TYW3: variants seen among roughly 807,000 people sequenced by gnomAD.
The protein encoded by TYW3 is tRNA wybutosine-synthesizing protein 3 homolog.
Under a neutral mutation model 23.1 loss-of-function variants are expected in TYW3, and 26 were observed. That is an observed-to-expected ratio of 1.13 (90% CI 0.83 to 1.56). The LOEUF (loss-of-function observed/expected upper bound fraction) is 1.56, where lower values mean the gene tolerates loss of function less well. Ranked by LOEUF, TYW3 falls within the 40% of genes most tolerant of loss-of-function variation. TYW3 has a pLI of 0.00. For missense variants in TYW3, 316 were observed against 311.9 expected, an observed-to-expected ratio of 1.01 and a Z score of -0.10; for synonymous variants, 102 against 105.7, an observed-to-expected ratio of 0.97 and a Z score of 0.21.
At chr1:74,748,716 A>G (rs1304547245) in intron 3 of TYW3, 35 bp from the exon 4 acceptor site, 1 of 1,581,166 alleles carries the variant, frequency 6.3e-7, no homozygotes, top group South Asian at 1.1e-5. Context: ...GGTTACCCAC[A>G]GTATCAAAAT....
At chr1:74,750,170 C>G (rs1388506019) in intron 4 of TYW3, 1 of 152,272 alleles carries the variant, frequency 6.6e-6, no homozygotes, top group African/African-American at 2.4e-5. Flanking sequence ...CTCAAGATCC[C>G]TAACCTCAGT....
At chr1:74,757,221 G>A (rs1648984728) in intron 5 of TYW3, among the ~76,000 whole-genome samples, 1 of 152,202 alleles carries the variant, frequency 6.6e-6, no homozygotes, top group Non-Finnish European at 1.5e-5. Flanking sequence ...GCTGTGAGAA[G>A]CGGGCTACCA....
intron 3 of TYW3, among the ~76,000 whole-genome samples, chr1:74,747,856 T>G (rs1298662342): frequency 6.7e-6 from 1 of 149,198 alleles, no homozygotes; most frequent in Non-Finnish European, 1.5e-5. Flanking sequence ...TATACACATA[T>G]GTATGTATAC....
rs1649276443 is a variant in TYW3 at position 74,765,538 on chromosome 1, A to C, written c.*1425A>C. 6.6e-6 allele frequency: 1 copy of C among 152,192 alleles called. No homozygotes were observed. Among genetic ancestry groups the C allele is most frequent in the Non-Finnish European group, 1.5e-5 (1 of 68,044 alleles). 9.4% of individuals were successfully genotyped at this position (152,192 alleles called of 1,614,324 possible). Reference sequence around the variant, plus strand: ...GAAATTTGGGCAGGAAAGGGAACTCACAGTGTCGGAATGCCTGGAGCATTT... The same window carrying C: ...GAAATTTGGGCAGGAAAGGGAACTCCCAGTGTCGGAATGCCTGGAGCATTT... On this transcript the variant is annotated 3_prime_UTR_variant, in exon 6 of 6. Transcript: ENST00000370867.
chr1:74,758,177 C>A (rs1328860041), intron 5 of TYW3, among the ~76,000 whole-genome samples: 1 of 152,132 alleles, frequency 6.6e-6, no homozygotes, highest in East Asian at 1.9e-4. Context: ...TTCTCTTCTT[C>A]CTCTTCATTA....
At chr1:74,740,640 C>T (rs1468009490) in intron 3 of TYW3, among the ~76,000 whole-genome samples, 7 of 152,120 alleles carry the variant, frequency 4.6e-5, no homozygotes, top group African/African-American at 1.2e-4. Context: ...CTGATTGGTG[C>T]GTTTACAATC....
chr1:74,762,074 C>G (rs1319036887), intron 5 of TYW3, among the ~76,000 whole-genome samples: 3 of 152,144 alleles, frequency 2.0e-5, no homozygotes, highest in African/African-American at 4.8e-5. Context: ...GAGATTAATT[C>G]ATTCATTGAT....
intron 2 of TYW3, among the ~76,000 whole-genome samples, chr1:74,737,015 T>G (rs1298356982): frequency 6.6e-6 from 1 of 152,272 alleles, no homozygotes; most frequent in East Asian, 1.9e-4. Flanking sequence ...ATTACTTACC[T>G]GCATTGCTTT....
chr1:74,740,330 G>A lies in TYW3; in HGVS notation c.354+1542G>A, dbSNP rs181166359. On this transcript the variant is annotated intron_variant, in intron 3 of 5. Coordinates refer to ENST00000370867, the MANE Select transcript of TYW3 (RefSeq NM_138467.3). ...TCTTGCTGATTTCAGAAATGAAGCC[G>A]CAGACTTCCACAGTGAGTGTTAACA... is the stretch of plus-strand genomic sequence containing the variant. Among the ~76,000 whole-genome samples, 583 of 152,294 alleles carry A rather than the reference G, an allele frequency of 3.8e-3. 5 individuals carry two copies. Among genetic ancestry groups the A allele is most frequent in the African/African-American group, 0.013 (554 of 41,554 alleles).
Position 74,764,158 on chromosome 1 carries a change from T to TATAAAACCTAC in TYW3, c.*45_*46insATAAAACCTAC. 6.6e-7 allele frequency: 1 copy of TATAAAACCTAC among 1,526,572 alleles called. No homozygotes were observed. The highest frequency in any genetic ancestry group is 8.9e-7 in the Non-Finnish European group (1 of 1,122,632). 94.6% of individuals were successfully genotyped at this position (1,526,572 alleles called of 1,614,324 possible). Reference sequence around the variant, plus strand: ...TTGGCCGTAATGTTTCTAGTAGGTTTTATAAAGCTGCTCTTCATAAGAGTA... The same window carrying TATAAAACCTAC: ...TTGGCCGTAATGTTTCTAGTAGGTTTATAAAACCTACTATAAAGCTGCTCTTCATAAGAGTA... On this transcript the variant is annotated 3_prime_UTR_variant, in exon 6 of 6. Coordinates refer to ENST00000370867, the MANE Select transcript of TYW3 (RefSeq NM_138467.3).
Position 74,765,147 on chromosome 1 carries a change from A to G in TYW3, c.*1034A>G, listed in dbSNP as rs1261542002. 6.6e-6 allele frequency: 1 copy of G among 152,162 alleles called. No individual in the cohort carries two copies. The highest frequency in any genetic ancestry group is 1.5e-5 in the Non-Finnish European group (1 of 68,020). 9.4% of individuals were successfully genotyped at this position (152,162 alleles called of 1,614,324 possible). ...AACTCATCCAAGTGGTTCTGATAAA[A>G]TCAGTCCAGCACTTTTAGAACCCAC... On this transcript the variant is annotated 3_prime_UTR_variant, in exon 6 of 6. Coordinates refer to ENST00000370867, the MANE Select transcript of TYW3 (RefSeq NM_138467.3).
chr1:74,753,914 C>G (rs1331791900), intron 5 of TYW3, among the ~76,000 whole-genome samples: 2 of 152,140 alleles, frequency 1.3e-5, no homozygotes, highest in African/African-American at 4.8e-5. Context: ...TCATTACTTA[C>G]AATGGATGTC....
chr1:74,763,777 A>G (rs1649204951), intron 5 of TYW3, 117 bp from the exon 6 acceptor site: 2 of 666,420 alleles, frequency 3.0e-6, no homozygotes, highest in Admixed American at 3.2e-5. Context: ...TTTGATTTAT[A>G]TTTATAAAGC....
chr1:74,752,170 A>C, intron 4 of TYW3, 122 bp from the exon 5 acceptor site: 1 of 979,720 alleles, frequency 1.0e-6, no homozygotes, highest in African/African-American at 1.7e-5. Flanking sequence ...TCAAAGCGCT[A>C]ACTTAACTGT....
chr1:74,740,881 C>A (rs954882640), intron 3 of TYW3, among the ~76,000 whole-genome samples: 1 of 152,240 alleles, frequency 6.6e-6, no homozygotes, highest in African/African-American at 2.4e-5. Flanking sequence ...TCCAAGTCCC[C>A]ACTTGACCCA....
rs565202504 is a variant in TYW3, at chr1:74,763,940, A to G, written c.607A>G (p.Asn203Asp). The G allele has an allele frequency of 6.8e-6, 11 of 1,606,970 alleles. No homozygotes were observed. Among genetic ancestry groups the G allele is most frequent in the Non-Finnish European group, 9.3e-6 (11 of 1,178,208 alleles). Residue 203 changes from asparagine to aspartate, a missense_variant, in exon 6 of 6, where the codon AAC (asparagine) becomes GAC (aspartate). Physicochemically the swap from Asn to Asp is conservative, Grantham distance 23. Transcript: ENST00000370867. ...QHALERETMT[N>D]LHPKIKEKNN... ...TGCTTTGGAAAGGGAAACGATGACT[A>G]ACTTACATCCCAAGATCAAAGAGAA...
intron 5 of TYW3, among the ~76,000 whole-genome samples, chr1:74,752,664 G>A (rs1424519513): frequency 9.2e-5 from 14 of 152,128 alleles, no homozygotes. Flanking sequence ...TGGTAGGCAC[G>A]TGACCACCAG....
chr1:74,733,173 C>T lies in TYW3; in HGVS notation c.-72C>T, dbSNP rs1408483384. The stretch of plus-strand genomic sequence containing the variant: ...GGACCTTTTCGGCCACCGCTCGCTT[C>T]AATATGGCTGCCCCCAGGGAGAGAC... On this transcript the variant is annotated 5_prime_UTR_variant, in exon 1 of 6. Transcript: ENST00000370867. 3 of 1,555,492 alleles carry T rather than the reference C, an allele frequency of 1.9e-6. No individual in the cohort carries two copies. The highest frequency in any genetic ancestry group is 1.4e-5 in the African/African-American group (1 of 73,216).
chr1:74,750,738 A>G (rs1192932061), intron 4 of TYW3, among the ~76,000 whole-genome samples: 2 of 149,112 alleles, frequency 1.3e-5, no homozygotes, highest in Admixed American at 6.7e-5. Flanking sequence ...TTATGTCTCT[A>G]TGCCCACAGA....
Sources: allele counts gnomAD v4.1 joint callset (sites outside exome capture counted in the v4.1 genomes callset), GRCh38; gene constraint gnomAD v4.1.1; transcripts MANE v1.5; gene names NCBI Gene and HGNC (gene_info 2026-07-23, HGNC 2026-07-21).